PARN: variants seen among roughly 807,000 people sequenced by gnomAD.
PARN encodes the protein poly(A)-specific ribonuclease PARN.
PARN carries 71 observed loss-of-function variants against 102.8 expected under a neutral mutation model. The ratio of observed to expected loss-of-function variants is 0.69; its 90% CI spans 0.57 to 0.84. The LOEUF (loss-of-function observed/expected upper bound fraction) is 0.84, where lower values mean the gene tolerates loss of function less well. Among genes scored for constraint, PARN ranks in the 40% least tolerant of loss-of-function variants. The pLI is 0.00. For missense variants in PARN, 782 were observed against 760.9 expected, an observed-to-expected ratio of 1.03 and a Z score of -0.33; for synonymous variants, 261 against 252.9, an observed-to-expected ratio of 1.03 and a Z score of -0.30.
intron 21 of PARN, among the ~76,000 whole-genome samples, chr16:14,487,474 T>C (rs1434281116): frequency 2.6e-5 from 4 of 152,214 alleles, no homozygotes; most frequent in Non-Finnish European, 5.9e-5. Flanking sequence ...GTTGATGCAT[T>C]ATGTTTATGA....
chr16:14,496,742 A>AG lies in PARN; in HGVS notation c.1481-13916dup, dbSNP rs201847735. Among the ~76,000 whole-genome samples the AG allele has an allele frequency of 4.6e-3, 702 of 152,332 alleles. 8 individuals are homozygous for AG. Among genetic ancestry groups the AG allele is most frequent in the African/African-American group, 0.016 (659 of 41,578 alleles). ...CGGCTTAGTTAATACTATATCTTTA[A>AG]GGTCTGCTTATTACATATTACAAAG... On this transcript the variant is annotated intron_variant, in intron 21 of 23. Coordinates refer to ENST00000437198, the MANE Select transcript of PARN (RefSeq NM_002582.4).
intron 23 of PARN, among the ~76,000 whole-genome samples, chr16:14,445,615 G>A (rs1961166751): frequency 1.3e-5 from 2 of 152,216 alleles, no homozygotes; most frequent in Admixed American, 1.3e-4. Flanking sequence ...AGGATGGAGT[G>A]CAGTGGCGCA....
chr16:14,458,024 G>A (rs1012221857), intron 22 of PARN, among the ~76,000 whole-genome samples: 3 of 151,646 alleles, frequency 2.0e-5, no homozygotes, highest in East Asian at 3.9e-4. Context: ...TTGTGAATAC[G>A]AGGCTTAAGA....
At chr16:14,455,629 A>T (rs1471429921) in intron 22 of PARN, among the ~76,000 whole-genome samples, 1 of 152,044 alleles carries the variant, frequency 6.6e-6, no homozygotes, top group East Asian at 2.0e-4. Flanking sequence ...TACATCTTCC[A>T]ACAAGACTTG....
intron 21 of PARN, among the ~76,000 whole-genome samples, chr16:14,500,210 C>T (rs1041553360): frequency 6.6e-6 from 1 of 152,028 alleles, no homozygotes; most frequent in Non-Finnish European, 1.5e-5. Flanking sequence ...AGCTTGCCAC[C>T]ATGTCCGGGT....
chr16:14,556,197 T>A (rs1418915115), intron 18 of PARN, among the ~76,000 whole-genome samples: 1 of 150,982 alleles, frequency 6.6e-6, no homozygotes, highest in African/African-American at 2.4e-5. Flanking sequence ...TCTTATTCTG[T>A]CGCCAGGCTG....
chr16:14,602,462 A>T (rs1037661353), intron 11 of PARN, among the ~76,000 whole-genome samples: 1 of 152,154 alleles, frequency 6.6e-6, no homozygotes, highest in Non-Finnish European at 1.5e-5. Flanking sequence ...CTAAGAGGAC[A>T]TCCACCCTTG....
intron 18 of PARN, among the ~76,000 whole-genome samples, chr16:14,559,447 T>A (rs552775170): frequency 2.0e-5 from 3 of 152,008 alleles, no homozygotes; most frequent in Non-Finnish European, 2.9e-5. Flanking sequence ...ACAGTAGATG[T>A]ATATATTTGT....
intron 21 of PARN, chr16:14,501,453 A>AAAAAAAAAC (rs1964602455): frequency 1.4e-5 from 2 of 143,602 alleles, no homozygotes. Flanking sequence ...AAAAAAAAAA[A>AAAAAAAAAC]AAAAAAACAG....
chr16:14,596,775 AT>A (rs917049737), intron 12 of PARN, among the ~76,000 whole-genome samples: 4 of 143,766 alleles, frequency 2.8e-5, no homozygotes, highest in Admixed American at 7.0e-5. Context: ...GGAAAAGGAC[AT>A]TTTTTTCTTT....
chr16:14,484,700 C>T (rs918784353), intron 21 of PARN, among the ~76,000 whole-genome samples: 2 of 152,120 alleles, frequency 1.3e-5, no homozygotes, highest in Non-Finnish European at 2.9e-5. Context: ...GTCCCACATC[C>T]GGCACCTGAC....
chr16:14,457,915 TGG>T (rs1567290971), intron 22 of PARN, among the ~76,000 whole-genome samples: 130 of 135,398 alleles, frequency 9.6e-4, no homozygotes, highest in Non-Finnish European at 1.6e-3. Context: ...GGTGTGTGTG[TGG>T]GGGTGTGTGT....
chr16:14,603,750 C>T (rs1337691228), intron 11 of PARN, among the ~76,000 whole-genome samples: 1 of 152,206 alleles, frequency 6.6e-6, no homozygotes, highest in African/African-American at 2.4e-5. Flanking sequence ...GATGTTCCAA[C>T]AGTACAACCT....
intron 7 of PARN, among the ~76,000 whole-genome samples, chr16:14,610,213 C>T (rs1007701803): frequency 5.9e-5 from 9 of 152,194 alleles, no homozygotes; most frequent in African/African-American, 2.2e-4. Context: ...TGGCTCATGC[C>T]TGTAATCTCA....
intron 12 of PARN, among the ~76,000 whole-genome samples, chr16:14,594,283 C>T (rs997395468): frequency 6.6e-6 from 1 of 152,192 alleles, no homozygotes; most frequent in African/African-American, 2.4e-5. Context: ...TATGTGCTGG[C>T]AGCCCTCTTC....
intron 18 of PARN, among the ~76,000 whole-genome samples, chr16:14,561,016 G>A (rs890067844): frequency 7.9e-5 from 12 of 152,136 alleles, no homozygotes; most frequent in African/African-American, 2.9e-4. Flanking sequence ...AATTAGCTGG[G>A]TATGGTGGCG....
intron 12 of PARN, among the ~76,000 whole-genome samples, chr16:14,594,431 G>C (rs1220790871): frequency 6.6e-6 from 1 of 152,030 alleles, no homozygotes; most frequent in African/African-American, 2.4e-5. Context: ...AAAACATCAG[G>C]GGCCGGGCGT....
chr16:14,615,730 A>G (rs1256696114), intron 6 of PARN, among the ~76,000 whole-genome samples: 1 of 151,996 alleles, frequency 6.6e-6, no homozygotes, highest in Non-Finnish European at 1.5e-5. Flanking sequence ...GTGAAACCCC[A>G]TCGCTACTAA....
intron 21 of PARN, among the ~76,000 whole-genome samples, chr16:14,493,823 G>A (rs996328165): frequency 3.9e-5 from 6 of 152,198 alleles, no homozygotes; most frequent in Non-Finnish European, 4.4e-5. Context: ...ATGTCACTAA[G>A]GAACCCTGCT....
Sources: gnomAD v4.1 joint callset for allele counts (sites outside exome capture counted in the v4.1 genomes callset) on GRCh38, gnomAD v4.1.1 for gene constraint, MANE v1.5 for transcripts, NCBI Gene and HGNC (gene_info 2026-07-23, HGNC 2026-07-21) for gene names.